The following SNX31 variants were observed in gnomAD, a reference collection of about 807,000 sequenced individuals.
The protein encoded by SNX31 is sorting nexin 31, also known as sorting nexin-31.
In SNX31, 58 loss-of-function variants were observed where a neutral mutation model predicts 65.4. That is an observed-to-expected ratio of 0.89 (90% confidence interval 0.72 to 1.10). The LOEUF is 1.10. Ranked by LOEUF, SNX31 falls within the 50% of genes least tolerant of loss-of-function variation. The pLI is 0.00. For synonymous variants in SNX31, 181 were observed against 190.1 expected, an observed-to-expected ratio of 0.95 and a Z score of 0.39; for missense variants, 523 against 529.7, an observed-to-expected ratio of 0.99 and a Z score of 0.12.
intron 1 of SNX31, among the ~76,000 whole-genome samples, chr8:100,661,694 G>T (rs1349931488): frequency 1.3e-5 from 2 of 149,960 alleles, no homozygotes; most frequent in East Asian, 2.0e-4. Flanking sequence ...CACACGGCCA[G>T]TTTTTTTTTT....
chr8:100,592,157 G>T (rs1814645159), intron 10 of SNX31, among the ~76,000 whole-genome samples: 1 of 152,130 alleles, frequency 6.6e-6, no homozygotes, highest in African/African-American at 2.4e-5. Flanking sequence ...TATTGAAACT[G>T]CTATTTAAAG....
chr8:100,617,997 C>A, intron 4 of SNX31: 2 of 798,296 alleles, frequency 2.5e-6, no homozygotes, highest in Non-Finnish European at 3.0e-6. Flanking sequence ...AACTCCTGAC[C>A]TCAGGTGATC....
At chr8:100,593,884 G>A (rs1814817190) in intron 10 of SNX31, among the ~76,000 whole-genome samples, 1 of 140,860 alleles carries the variant, frequency 7.1e-6, no homozygotes, top group Non-Finnish European at 1.6e-5. Flanking sequence ...TCTATAACAG[G>A]ATTTATCAAA....
rs1056801945 is a variant in SNX31, at chr8:100,604,602, T to G, written c.681+3892A>C. The stretch of plus-strand genomic sequence containing the variant: ...GGTGCCTTTTTCTAATTTGCATCAC[T>G]GTCCAGGCCAGCAATGGCCCCGCTG... On this transcript the variant is annotated intron_variant, in intron 8 of 13. Transcript: ENST00000311812. This position sits in a 1 kb window ranked among gnomAD's most constrained non-coding sequence, Gnocchi z 4.3. Among the ~76,000 whole-genome samples, 1 of 152,272 alleles carries G rather than the reference T, an allele frequency of 6.6e-6. No homozygotes were observed. The highest frequency in any genetic ancestry group is 1.5e-5 in the Non-Finnish European group (1 of 68,048).
intron 11 of SNX31, 80 bp from the exon 12 acceptor site, chr8:100,584,268 G>C: frequency 9.0e-7 from 1 of 1,115,930 alleles, no homozygotes; most frequent in Non-Finnish European, 1.3e-6. Flanking sequence ...CCACAAAGCG[G>C]ATTTTGACTC....
chr8:100,650,843 TTTTTTTG>T (rs1218030204), upstream of SNX31, among the ~76,000 whole-genome samples: 90 of 100,898 alleles, frequency 8.9e-4, no homozygotes, highest in African/African-American at 5.5e-3. Flanking sequence ...GTTTTTTGTG[TTTTTTTG>T]TTTTTTTTTT....
Position 100,575,247 on chromosome 8 carries a change from ACC to A in SNX31, c.1228-1289_1228-1288del, listed in dbSNP as rs1812952567. On this transcript the variant is annotated intron_variant, in intron 13 of 13. Transcript: ENST00000311812. This position sits in a 1 kb window ranked among gnomAD's most constrained non-coding sequence, Gnocchi z 5.1. ...GGCTCTGATATTAACTGACTGTGTG[ACC>A]TTGAGCAAGTGACTTAACCTTTCTG... Among the ~76,000 whole-genome samples the A allele has an allele frequency of 6.6e-6, 1 of 152,226 alleles. No homozygotes were observed. Among genetic ancestry groups the A allele is most frequent in the Admixed American group, 6.5e-5 (1 of 15,282 alleles).
rs542282591 is a variant in SNX31, at chr8:100,660,579, C to T, written c.-58+2563G>A. Among the ~76,000 whole-genome samples, 10 of 152,250 alleles carry T rather than the reference C, an allele frequency of 6.6e-5. No individual in the cohort carries two copies. In the South Asian group the frequency reaches 1.9e-3, roughly 28 times the overall value. ...ACGGGGCTCTAACTCAAGTGGCAGG[C>T]GTCCCTGACCTGACAGAAGAAGGTT... On this transcript the variant is annotated intron_variant, in intron 1 of 5. Transcript: ENST00000520352. This position sits in a 1 kb window ranked among gnomAD's most constrained non-coding sequence, Gnocchi z 4.1.
At chr8:100,608,643 G>A in intron 7 of SNX31, 80 bp from the exon 8 acceptor site, 1 of 1,386,372 alleles carries the variant, frequency 7.2e-7, no homozygotes, top group Non-Finnish European at 1.0e-6. Flanking sequence ...GAAAGTGGTG[G>A]CCCTCTACCC....
At chr8:100,584,772 A>G (rs1171676864) in intron 11 of SNX31, among the ~76,000 whole-genome samples, 1 of 139,770 alleles carries the variant, frequency 7.2e-6, no homozygotes, top group African/African-American at 2.7e-5. Flanking sequence ...TTTCTCTGAG[A>G]CAGTCTCACT....
chr8:100,579,978 A>G (rs1813354291), intron 12 of SNX31, among the ~76,000 whole-genome samples: 2 of 152,098 alleles, frequency 1.3e-5, no homozygotes, highest in East Asian at 1.9e-4. Flanking sequence ...TGGGCAACAT[A>G]GTGAGACCCC....
chr8:100,610,608 G>A lies in SNX31; in HGVS notation c.611+1392C>T, dbSNP rs1009321949. Among the ~76,000 whole-genome samples, 4 of 152,206 alleles carry A rather than the reference G, an allele frequency of 2.6e-5. No homozygotes were observed. In the South Asian group the frequency reaches 8.3e-4, roughly 32 times the overall value. On this transcript the variant is annotated intron_variant, in intron 7 of 13. Coordinates refer to ENST00000311812, the MANE Select transcript of SNX31 (RefSeq NM_152628.4). The surrounding 1 kb of genome is among the most constrained non-coding windows in gnomAD (Gnocchi z 4.0). ...AAGGCGCAACTTAGATTCACATACT[G>A]TAATTCCAGGAACAACTGTGCTCAG...
chr8:100,630,212 G>A lies in SNX31; in HGVS notation c.321+115C>T. On this transcript the variant is annotated intron_variant, in intron 4 of 13. Transcript: ENST00000311812. This position sits in a 1 kb window ranked among gnomAD's most constrained non-coding sequence, Gnocchi z 5.3. ...CTTGAAATGAATATATTTTGTCCAA[G>A]TCCAGGCTCTGTGGGGCTGTGACCA... is the stretch of plus-strand genomic sequence containing the variant. The A allele has an allele frequency of 1.1e-6, 1 of 909,550 alleles. No individual in the cohort carries two copies. 56.3% of individuals were successfully genotyped at this position (909,550 alleles called of 1,614,324 possible). A position where few individuals can be genotyped will look rare whatever the true frequency, so the allele number is the denominator to read the frequency against.
chr8:100,639,744 GAA>G (rs1233738781), intron 2 of SNX31, among the ~76,000 whole-genome samples: 7 of 152,148 alleles, frequency 4.6e-5, no homozygotes, highest in Non-Finnish European at 8.8e-5. Flanking sequence ...CAGTAACAAT[GAA>G]CATATCTAGT....
rs1816993599 is a variant in SNX31, at chr8:100,614,449, G to A, written c.433-1364C>T. Among the ~76,000 whole-genome samples, 1 of 152,214 alleles carries A rather than the reference G, an allele frequency of 6.6e-6. No homozygotes were observed. Among genetic ancestry groups the A allele is most frequent in the Admixed American group, 6.5e-5 (1 of 15,282 alleles). ...CATAAATATAAACACCTTCTTTTGA[G>A]AGGAGTGAGCATCAGCAAAAAAATA... On this transcript the variant is annotated intron_variant, in intron 5 of 13. Coordinates refer to ENST00000311812, the MANE Select transcript of SNX31 (RefSeq NM_152628.4). This position sits in a 1 kb window ranked among gnomAD's most constrained non-coding sequence, Gnocchi z 5.1.
chr8:100,606,756 T>C (rs1816200466), intron 8 of SNX31, among the ~76,000 whole-genome samples: 1 of 152,254 alleles, frequency 6.6e-6, no homozygotes, highest in Non-Finnish European at 1.5e-5. Context: ...TAAATTTCTT[T>C]AGCTACATCC....
rs201026283 is a variant in SNX31 at position 100,596,827 on chromosome 8, G to A, written c.790C>T (p.Arg264Trp). Residue 264 changes from arginine to tryptophan, a missense_variant, in exon 10 of 14, where the codon CGG becomes TGG. Physicochemically the swap from Arg to Trp is moderately radical, Grantham distance 101. Coordinates refer to ENST00000311812, the MANE Select transcript of SNX31 (RefSeq NM_152628.4). ...AGGTATCCATAGTGCCGTACCTCCC[G>A]GGCCAGCTCCAAAAACTGCTCCAAA... ...DSQTKFLELA[R>W]EVRHYGYLQL... 163 of 1,613,638 alleles carry A rather than the reference G, an allele frequency of 1.0e-4. No individual in the cohort carries two copies. The highest frequency in any genetic ancestry group is 1.3e-4 in the Non-Finnish European group (148 of 1,180,010).
chr8:100,609,137 C>T lies in SNX31; in HGVS notation c.612-574G>A, dbSNP rs1490089170. On this transcript the variant is annotated intron_variant, in intron 7 of 13. Transcript: ENST00000311812. This position sits in a 1 kb window ranked among gnomAD's most constrained non-coding sequence, Gnocchi z 4.9. ...ACTTTCAAGGCCCTTCCGGGGACCA[C>T]CCCCACTTTCATTTCCAGTTCCATC... 1.3e-5 allele frequency among the ~76,000 whole-genome samples: 2 copies of T among 152,074 alleles called. No individual in the cohort carries two copies. Among genetic ancestry groups the T allele is most frequent in the Non-Finnish European group, 2.9e-5 (2 of 68,028 alleles).
At chr8:100,637,130 C>G (rs1472688123) in intron 2 of SNX31, among the ~76,000 whole-genome samples, 1 of 152,208 alleles carries the variant, frequency 6.6e-6, no homozygotes, top group Non-Finnish European at 1.5e-5. Flanking sequence ...CCCACTTACT[C>G]ATATATGACC....
Sources: allele counts gnomAD v4.1 joint callset (sites outside exome capture counted in the v4.1 genomes callset), GRCh38; gene constraint gnomAD v4.1.1; non-coding constraint Gnocchi (gnomAD v3.1); transcripts MANE v1.5; gene names NCBI Gene and HGNC (gene_info 2026-07-23, HGNC 2026-07-21).